Variants in CDH13 observed in about 807,000 individuals in gnomAD.
CDH13 encodes the protein cadherin 13.
In CDH13, 24 loss-of-function variants were observed where a neutral mutation model predicts 63.8. That is an observed-to-expected ratio of 0.38 (90% CI 0.27 to 0.53). CDH13 has a LOEUF of 0.53. CDH13 is among the 20% of genes least tolerant of loss of function. The probability of loss-of-function intolerance (pLI) is 0.85; values close to 1 mark genes in which losing one functional copy is unlikely to be tolerated. For synonymous variants in CDH13, 503 were observed against 355.3 expected, an observed-to-expected ratio of 1.42 and a Z score of -4.67; for missense variants, 1,049 against 903.1, an observed-to-expected ratio of 1.16 and a Z score of -2.07.
chr16:83,350,612 C>G (rs954158066), intron 6 of CDH13, among the ~76,000 whole-genome samples: 3 of 152,142 alleles, frequency 2.0e-5, no homozygotes, highest in African/African-American at 7.2e-5. Flanking sequence ...TGGCGCTATT[C>G]TAAGCTCTGA....
chr16:83,180,865 T>TTTTTA, intron 4 of CDH13: 1 of 1,518,378 alleles, frequency 6.6e-7, no homozygotes, highest in Admixed American at 2.0e-5. Flanking sequence ...TTTTTTTTCT[T>TTTTTA]ACAGAGAACC....
rs1032189388 is a variant in CDH13 at position 82,698,535 on chromosome 16, C to T, written c.45+71398C>T. On this transcript the variant is annotated intron_variant, in intron 1 of 13. Coordinates refer to ENST00000567109, the MANE Select transcript of CDH13 (RefSeq NM_001257.5). ...AGCTTGTTCACGTATTTGAGGTGGGCTTTGCTCCGTGACTTTCCCATATTG... is the reference window on the plus strand; with the variant it reads ...AGCTTGTTCACGTATTTGAGGTGGGTTTTGCTCCGTGACTTTCCCATATTG... Among the ~76,000 whole-genome samples, 17 of 152,178 alleles carry T rather than the reference C, an allele frequency of 1.1e-4. 1 individual carries two copies. Among genetic ancestry groups the T allele is most frequent in the African/African-American group, 4.1e-4 (17 of 41,446 alleles).
chr16:82,627,357 T>C (rs1051988596), intron 1 of CDH13, among the ~76,000 whole-genome samples: 28 of 151,554 alleles, frequency 1.8e-4, no homozygotes, highest in Admixed American at 5.2e-4. Flanking sequence ...TGTGTGTGTG[T>C]GTGTGTGTGT....
At chr16:82,962,312 G>T (rs1907140901) in intron 2 of CDH13, among the ~76,000 whole-genome samples, 2 of 152,188 alleles carry the variant, frequency 1.3e-5, no homozygotes, top group South Asian at 4.1e-4. Context: ...CCAGGAGGTG[G>T]ATGAAGCAAG....
chr16:83,570,301 G>A (rs994434515), intron 7 of CDH13, among the ~76,000 whole-genome samples: 41 of 152,064 alleles, frequency 2.7e-4, no homozygotes, highest in Non-Finnish European at 1.5e-4. Flanking sequence ...AGCCATATGG[G>A]GTCTTTTCTG....
Position 82,859,873 on chromosome 16 carries a change from G to A in CDH13, c.157+1400G>A, listed in dbSNP as rs142186185. Among the ~76,000 whole-genome samples, 763 of 152,280 alleles carry A rather than the reference G, an allele frequency of 5.0e-3. 7 individuals carry two copies. The highest frequency in any genetic ancestry group is 0.018 in the African/African-American group (731 of 41,548). ...CCAAGGTGAAGCCCGTGCACCTCCC[G>A]ATGAAATGACGCCAATGAAATCATT... On this transcript the variant is annotated intron_variant, in intron 2 of 13. Transcript: ENST00000567109.
chr16:82,868,522 G>T (rs991946810), intron 2 of CDH13, among the ~76,000 whole-genome samples: 1 of 152,136 alleles, frequency 6.6e-6, no homozygotes, highest in African/African-American at 2.4e-5. Context: ...ATTGGACTTG[G>T]GTCCTAACTT....
intron 5 of CDH13, among the ~76,000 whole-genome samples, chr16:83,289,445 C>G (rs1000220009): frequency 3.9e-5 from 6 of 152,104 alleles, no homozygotes; most frequent in African/African-American, 1.4e-4. Flanking sequence ...AGTGTGGAAC[C>G]CAGATATTGA....
chr16:83,482,024 A>G (rs1198463409), intron 6 of CDH13, among the ~76,000 whole-genome samples: 1 of 152,182 alleles, frequency 6.6e-6, no homozygotes, highest in African/African-American at 2.4e-5. Flanking sequence ...CCCTGGGCAT[A>G]GCATTGGTAT....
At chr16:82,647,740 TG>T (rs1910264617) in intron 1 of CDH13, among the ~76,000 whole-genome samples, 1 of 152,246 alleles carries the variant, frequency 6.6e-6, no homozygotes, top group Admixed American at 6.5e-5. Context: ...AGTTGGAAGT[TG>T]AGCCAGCCCT....
chr16:82,797,782 TG>T (rs1779708639), intron 1 of CDH13, among the ~76,000 whole-genome samples: 1 of 149,930 alleles, frequency 6.7e-6, no homozygotes, highest in Admixed American at 6.7e-5. Context: ...GCCGTGTGTG[TG>T]TGTGTGTGTG....
intron 5 of CDH13, among the ~76,000 whole-genome samples, chr16:83,324,497 G>C (rs556666803): frequency 3.3e-5 from 5 of 152,190 alleles, no homozygotes; most frequent in Non-Finnish European, 7.3e-5. Context: ...AAGGAATCAT[G>C]CAACACTTGC....
intron 3 of CDH13, among the ~76,000 whole-genome samples, chr16:83,078,646 A>T (rs1166064611): frequency 6.6e-6 from 1 of 152,150 alleles, no homozygotes; most frequent in African/African-American, 2.4e-5. Flanking sequence ...AGCCACCAAG[A>T]CTATGGGTTT....
At chr16:82,789,978 A>G (rs55936760) in intron 1 of CDH13, among the ~76,000 whole-genome samples, 55,044 of 151,968 alleles carry the variant, frequency 0.36, 11,086 homozygotes, top group South Asian at 0.51. Flanking sequence ...ATCTCTGTCT[A>G]TTGGCGAGAT....
intron 2 of CDH13, among the ~76,000 whole-genome samples, chr16:82,899,485 A>T (rs1196481255): frequency 6.6e-6 from 1 of 152,122 alleles, no homozygotes; most frequent in African/African-American, 2.4e-5. Context: ...TCAGTTTCAG[A>T]TTTGTTTGAT....
chr16:83,488,969 G>T (rs2073952931), intron 7 of CDH13, among the ~76,000 whole-genome samples: 1 of 152,048 alleles, frequency 6.6e-6, no homozygotes, highest in Non-Finnish European at 1.5e-5. Flanking sequence ...TCTTTTGGAG[G>T]CCAGTGATGA....
chr16:83,317,688 TA>T, intron 5 of CDH13, among the ~76,000 whole-genome samples: 1 of 151,792 alleles, frequency 6.6e-6, no homozygotes, highest in Middle Eastern at 3.2e-3. Flanking sequence ...TAATCCCAGA[TA>T]CTTGGGAGGC....
intron 8 of CDH13, 25 bp from the exon 9 acceptor site, chr16:83,670,765 C>G: frequency 3.1e-6 from 5 of 1,610,804 alleles, no homozygotes; most frequent in Non-Finnish European, 4.2e-6. Context: ...AAAATAGTGA[C>G]CATTACCATC....
chr16:82,759,745 A>G (rs1405287033), intron 1 of CDH13, among the ~76,000 whole-genome samples: 2 of 152,112 alleles, frequency 1.3e-5, no homozygotes, highest in Admixed American at 6.5e-5. Flanking sequence ...AGAATGGTCT[A>G]TAGAATTCAA....
Sources: gnomAD v4.1 joint callset for allele counts (sites outside exome capture counted in the v4.1 genomes callset) on GRCh38, gnomAD v4.1.1 for gene constraint, MANE v1.5 for transcripts, NCBI Gene and HGNC (gene_info 2026-07-23, HGNC 2026-07-21) for gene names.